PRDM16: variants seen among roughly 807,000 people sequenced by gnomAD.
The protein encoded by PRDM16 is PR/SET domain 16.
In PRDM16, 23 loss-of-function variants were observed where a neutral mutation model predicts 110.6. The observed-to-expected ratio is 0.21, with a 90% CI of 0.15 to 0.29. The LOEUF (loss-of-function observed/expected upper bound fraction) is 0.29, where lower values mean the gene tolerates loss of function less well. Ranked by LOEUF, PRDM16 falls within the 10% of genes least tolerant of loss-of-function variation. PRDM16 has a pLI of 1.00. For missense variants in PRDM16, 1,615 were observed against 1,794.3 expected, an observed-to-expected ratio of 0.90 and a Z score of 1.81; for synonymous variants, 799 against 781.8, an observed-to-expected ratio of 1.02 and a Z score of -0.37.
chr1:3,164,691 G>A (rs1006982308), intron 1 of PRDM16, among the ~76,000 whole-genome samples: 1 of 152,136 alleles, frequency 6.6e-6, no homozygotes, highest in African/African-American at 2.4e-5. Flanking sequence ...GTGGTCGAGC[G>A]AGGTGACCTG....
At position 3,201,010 on chromosome 1, in the gene PRDM16, G is replaced by T. The variant is rs1474743293; in HGVS notation, c.387+14536G>T. 6.6e-6 allele frequency among the ~76,000 whole-genome samples: 1 copy of T among 152,046 alleles called. No individual in the cohort carries two copies. Among genetic ancestry groups the T allele is most frequent in the Non-Finnish European group, 1.5e-5 (1 of 68,006 alleles). On this transcript the variant is annotated intron_variant, in intron 2 of 16. Transcript: ENST00000270722. The surrounding 1 kb of genome is among the most constrained non-coding windows in gnomAD (Gnocchi z 4.1). ...GGGGGAGGAAGGGGAAGAGGAGGAG[G>T]ACAGCTGAGAGCTGTGAGTCCAGGG...
chr1:3,116,211 G>T (rs1048775059), intron 1 of PRDM16, among the ~76,000 whole-genome samples: 6 of 152,276 alleles, frequency 3.9e-5, no homozygotes, highest in African/African-American at 1.2e-4. Context: ...GGCAGGGAGG[G>T]ATGGTTCCAG....
intron 1 of PRDM16, among the ~76,000 whole-genome samples, chr1:3,126,930 C>G (rs1643221241): frequency 6.6e-6 from 1 of 152,218 alleles, no homozygotes; most frequent in Non-Finnish European, 1.5e-5. Flanking sequence ...AGAGCTTACT[C>G]TGGACTCAGC....
In PRDM16 at chr1:3,243,199, G is replaced by A. The variant is rs552640611; in HGVS notation, c.388-888G>A. 1.3e-5 allele frequency among the ~76,000 whole-genome samples: 2 copies of A among 149,758 alleles called. No individual in the cohort carries two copies. The highest frequency in any genetic ancestry group is 2.9e-5 in the Non-Finnish European group (2 of 68,022). ...GGAGCTCCTGTGTGGCCCACAGCCC[G>A]CTGCTGGGGGTCCTCAGTGGCCACC... On this transcript the variant is annotated intron_variant, in intron 2 of 16. Transcript: ENST00000270722. This position sits in a 1 kb window ranked among gnomAD's most constrained non-coding sequence, Gnocchi z 5.5.
At chr1:3,419,833 G>A (rs1638379728) in intron 12 of PRDM16, among the ~76,000 whole-genome samples, 1 of 151,914 alleles carries the variant, frequency 6.6e-6, no homozygotes, top group African/African-American at 2.4e-5. Flanking sequence ...GGCTGCCCCA[G>A]GGCTGTGTCC....
At chr1:3,409,670 TGTG>T (rs1643636040) in intron 8 of PRDM16, among the ~76,000 whole-genome samples, 1 of 150,804 alleles carries the variant, frequency 6.6e-6, no homozygotes, top group Non-Finnish European at 1.5e-5. Context: ...TGTGCGTGTC[TGTG>T]GTGTGTGTGT....
chr1:3,212,725 C>G (rs200923354), intron 2 of PRDM16, among the ~76,000 whole-genome samples: 2 of 140,228 alleles, frequency 1.4e-5, no homozygotes, highest in Non-Finnish European at 3.0e-5. Flanking sequence ...TTCACACAAA[C>G]TGAGATGGGG....
At chr1:3,195,937 G>T (rs1638462419) in intron 2 of PRDM16, among the ~76,000 whole-genome samples, 1 of 152,224 alleles carries the variant, frequency 6.6e-6, no homozygotes, top group African/African-American at 2.4e-5. Flanking sequence ...TCTCTGTGAG[G>T]CTCTGTCTAC....
rs1644166978 is a variant in PRDM16, at chr1:3,181,238, A to G, written c.38-4887A>G. ...CACACGCAGTCTTACACACGGTCTT[A>G]CACACAGTCTTACACACGCAGTCTT... On this transcript the variant is annotated intron_variant, in intron 1 of 16. Coordinates refer to ENST00000270722, the MANE Select transcript of PRDM16 (RefSeq NM_022114.4). Among the ~76,000 whole-genome samples the G allele has an allele frequency of 4.3e-5, 3 of 69,334 alleles. No homozygotes were observed. The South Asian group carries it at 1.2e-3, about 27-fold the overall frequency. The allele number at this position is 69,334 out of a possible 152,430, so 45.5% of individuals were successfully genotyped here. A position where few individuals can be genotyped will look rare whatever the true frequency, so the allele number is the denominator to read the frequency against.
At chr1:3,327,533 A>G (rs1641942542) in intron 3 of PRDM16, among the ~76,000 whole-genome samples, 1 of 152,228 alleles carries the variant, frequency 6.6e-6, no homozygotes, top group African/African-American at 2.4e-5. Flanking sequence ...CCCGGCAGAA[A>G]GTTATTTGAC....
At chr1:3,262,673 C>T (rs1051968158) in intron 3 of PRDM16, among the ~76,000 whole-genome samples, 1 of 152,210 alleles carries the variant, frequency 6.6e-6, no homozygotes, top group African/African-American at 2.4e-5. Flanking sequence ...AGAAAAATCC[C>T]ACAGGACACA....
intron 12 of PRDM16, among the ~76,000 whole-genome samples, chr1:3,422,331 G>T (rs1638463813): frequency 6.6e-6 from 1 of 151,440 alleles, no homozygotes; most frequent in Non-Finnish European, 1.5e-5. Context: ...AGATGGACAG[G>T]CAGGAAGGCA....
At chr1:3,410,972 C>T (rs984792589) in intron 8 of PRDM16, among the ~76,000 whole-genome samples, 7 of 152,190 alleles carry the variant, frequency 4.6e-5, no homozygotes, top group African/African-American at 1.7e-4. Flanking sequence ...AAGAAGGTGG[C>T]GGCACAGCAG....
chr1:3,247,803 C>T (rs1311494324), intron 3 of PRDM16, among the ~76,000 whole-genome samples: 1 of 152,248 alleles, frequency 6.6e-6, no homozygotes, highest in Non-Finnish European at 1.5e-5. Flanking sequence ...CCCAAAAAGT[C>T]ACATTGGCTG....
rs369708029 is a variant in PRDM16 at position 3,232,544 on chromosome 1, C to T, written c.388-11543C>T. On this transcript the variant is annotated intron_variant, in intron 2 of 16. Coordinates refer to ENST00000270722, the MANE Select transcript of PRDM16 (RefSeq NM_022114.4). ...CTGGCCTCCTTGGCTTGCAAGTTTG[C>T]GGAACTCAGAAATGCGAGTCCACAA... Among the ~76,000 whole-genome samples, 246 of 152,184 alleles carry T rather than the reference C, an allele frequency of 1.6e-3. 1 individual carries two copies. Among genetic ancestry groups the T allele is most frequent in the African/African-American group, 5.5e-3 (227 of 41,516 alleles).
intron 2 of PRDM16, among the ~76,000 whole-genome samples, chr1:3,239,785 C>CA (rs367839377): frequency 0.042 from 6,343 of 151,872 alleles, 270 homozygotes; most frequent in African/African-American, 0.12. Context: ...CCTGTCTCTA[C>CA]AAAAAATACA....
At chr1:3,114,145 GCACACACGCACACACACACGCA>G (rs1406688813) in intron 1 of PRDM16, among the ~76,000 whole-genome samples, 6 of 149,762 alleles carry the variant, frequency 4.0e-5, no homozygotes, top group Admixed American at 6.7e-5. Flanking sequence ...TCTGCACACT[GCACACACGCACACACACACGCA>G]CACACACGCA....
chr1:3,248,841 C>T (rs898580355), intron 3 of PRDM16, among the ~76,000 whole-genome samples: 2 of 152,238 alleles, frequency 1.3e-5, no homozygotes, highest in Non-Finnish European at 1.5e-5. Flanking sequence ...TTCTATAGCC[C>T]GGCCCGGGCA....
intron 2 of PRDM16, among the ~76,000 whole-genome samples, chr1:3,219,183 C>T (rs1639097674): frequency 6.6e-6 from 1 of 152,234 alleles, no homozygotes; most frequent in Non-Finnish European, 1.5e-5. Flanking sequence ...TGCCGACAAA[C>T]GGCTCCCTCG....
Sources: gnomAD v4.1 joint callset for allele counts (sites outside exome capture counted in the v4.1 genomes callset) on GRCh38, gnomAD v4.1.1 for gene constraint, Gnocchi (gnomAD v3.1) non-coding constraint, MANE v1.5 for transcripts, NCBI Gene and HGNC (gene_info 2026-07-23, HGNC 2026-07-21) for gene names.